The following FYB1 variants were observed in gnomAD, a reference collection of about 807,000 sequenced individuals.
The protein encoded by FYB1 is FYN-binding protein 1.
In FYB1, 41 loss-of-function variants were observed where a neutral mutation model predicts 94.1. The observed-to-expected ratio is 0.44, with a 90% CI of 0.34 to 0.57. The LOEUF (loss-of-function observed/expected upper bound fraction) is 0.57. Ranked by LOEUF, FYB1 falls within the 20% of genes least tolerant of loss-of-function variation. The pLI, the probability that FYB1 is intolerant of heterozygous loss-of-function variation, is 0.02. For missense variants in FYB1, 1,050 were observed against 976.8 expected (o/e 1.07, Z -1.00); for synonymous variants, 367 against 353.2 (o/e 1.04, Z -0.44).
chr5:39,200,248 G>A (rs543213844), intron 2 of FYB1, among the ~76,000 whole-genome samples: 5 of 152,174 alleles, frequency 3.3e-5, no homozygotes, highest in Non-Finnish European at 7.3e-5. Context: ...ATCAGACCTT[G>A]TCAGGCCTTC....
chr5:39,212,590 A>C (rs568405349), intron 1 of FYB1: 1 of 152,364 alleles, frequency 6.6e-6, no homozygotes, highest in South Asian at 2.1e-4. Context: ...AGGATTAAAC[A>C]ATATAAGCAC....
intron 6 of FYB1, chr5:39,137,954 G>A: frequency 4.0e-6 from 2 of 502,162 alleles, no homozygotes; most frequent in African/African-American, 2.0e-5. Context: ...ACTTGTGCCA[G>A]CAAGTGGAAG....
chr5:39,271,798 A>G lies in FYB1; in HGVS notation c.-28+2605T>C, dbSNP rs193152732. Among the ~76,000 whole-genome samples, 778 of 152,338 alleles carry G rather than the reference A, an allele frequency of 5.1e-3. 6 individuals carry two copies. The highest frequency in any genetic ancestry group is 4.8e-3 in the Non-Finnish European group (326 of 68,034). ...AAGAGGGATGTGAGGCATGGTCAGAATCTGGTGGATGGTCAGGAATCTGAA... is the reference window on the plus strand; with the variant it reads ...AAGAGGGATGTGAGGCATGGTCAGAGTCTGGTGGATGGTCAGGAATCTGAA... On this transcript the variant is annotated intron_variant, in intron 1 of 1. Transcript: ENST00000510188.
At chr5:39,256,446 G>A (rs1751945390) in intron 1 of FYB1, among the ~76,000 whole-genome samples, 1 of 152,140 alleles carries the variant, frequency 6.6e-6, no homozygotes, top group Non-Finnish European at 1.5e-5. Flanking sequence ...GGGTTTTCAT[G>A]CCGAATTAGC....
At chr5:39,194,584 G>A (rs1320071078) in intron 2 of FYB1, among the ~76,000 whole-genome samples, 1 of 151,790 alleles carries the variant, frequency 6.6e-6, no homozygotes, top group Admixed American at 6.6e-5. Context: ...GGAAGGAAGG[G>A]AGGATATCTT....
rs867899638 is a variant in FYB1, at chr5:39,183,446, G to A, written c.1135+18380C>T. Among the ~76,000 whole-genome samples, 3 of 152,198 alleles carry A rather than the reference G, an allele frequency of 2.0e-5. No homozygotes were observed. In the South Asian group the frequency reaches 6.2e-4, roughly 32 times the overall value. ...TTAGAGAAGCACTGGGTAGAGTGTC[G>A]AGCATAAAGGGAGAATGAATGTTGT... On this transcript the variant is annotated intron_variant, in intron 2 of 18. Coordinates refer to ENST00000512982, the MANE Select transcript of FYB1 (RefSeq NM_001465.6).
chr5:39,111,285 C>T (rs1036573512), intron 16 of FYB1, among the ~76,000 whole-genome samples: 3 of 151,902 alleles, frequency 2.0e-5, no homozygotes, highest in Admixed American at 1.3e-4. Flanking sequence ...CCATTTATTG[C>T]TTCCTCAATA....
chr5:39,202,040 C>T lies in FYB1; in HGVS notation c.921G>A (p.Gly307=). The T allele has an allele frequency of 6.2e-7, 1 of 1,614,030 alleles. No homozygotes were observed. Among genetic ancestry groups the T allele is most frequent in the Non-Finnish European group, 8.5e-7 (1 of 1,179,894 alleles). Residue 307 remains glycine (G), a synonymous_variant, in exon 2 of 19, where the codon GGG becomes GGA. Coordinates refer to ENST00000512982, the MANE Select transcript of FYB1 (RefSeq NM_001465.6). The stretch of plus-strand genomic sequence containing the variant: ...CCTTAGGGAACCTGGCAGGAGGAGT[C>T]CCTGAGGCCAACTCTTCCTGATTTA... ...SKINQEELAS[G]TPPARFPKAP... is the part of the protein sequence containing the mutation.
At chr5:39,185,811 G>A (rs368285274) in intron 2 of FYB1, among the ~76,000 whole-genome samples, 3 of 152,002 alleles carry the variant, frequency 2.0e-5, no homozygotes, top group Admixed American at 6.6e-5. Flanking sequence ...ACTCCGTGAG[G>A]GTTCCGCACT....
At position 39,249,386 on chromosome 5, in the gene FYB1, T is replaced by C. The variant is rs140757234; in HGVS notation, c.-28+25017A>G. Among the ~76,000 whole-genome samples the C allele has an allele frequency of 1.6e-3, 240 of 152,364 alleles. 1 individual carries two copies. Among genetic ancestry groups the C allele is most frequent in the African/African-American group, 5.3e-3 (219 of 41,590 alleles). ...CTCTTGTAGTATGAGGGCAGCCATA[T>C]ACAGTATGTTAATGTGTGAACATGG... is the stretch of plus-strand genomic sequence containing the variant. On this transcript the variant is annotated intron_variant, in intron 1 of 1. Coordinates refer to the FYB1 transcript ENST00000510188.
rs538508812 is a variant in FYB1, at chr5:39,148,381, G to GTTTTTTTTTTT, written c.1292+5056_1292+5066dup. ...GCATTTAGCTTTTAATTATCAGCAG[G>GTTTTTTTTTTT]TTTTTTTTTTTTTTTTTTTTTTTTT... On this transcript the variant is annotated intron_variant, in intron 3 of 18. Transcript: ENST00000512982. Among the ~76,000 whole-genome samples the GTTTTTTTTTTT allele has an allele frequency of 7.9e-5, 3 of 38,174 alleles. 1 individual carries two copies. The highest frequency in any genetic ancestry group is 1.5e-4 in the African/African-American group (2 of 13,496). The allele number at this position is 38,174 out of a possible 152,430, so 25.0% of individuals were successfully genotyped here.
chr5:39,214,888 C>T (rs1361019370), intron 1 of FYB1, among the ~76,000 whole-genome samples: 1 of 152,072 alleles, frequency 6.6e-6, no homozygotes, highest in African/African-American at 2.4e-5. Flanking sequence ...AAGATCGCAC[C>T]ACTGCACTCC....
intron 1 of FYB1, among the ~76,000 whole-genome samples, chr5:39,267,358 TATCATCATCATC>T (rs10658182): frequency 3.9e-4 from 56 of 145,318 alleles, no homozygotes; most frequent in African/African-American, 6.6e-4. Context: ...GTGGGATAGC[TATCATCATCATC>T]ATCATCATCA....
At position 39,184,402 on chromosome 5, in the gene FYB1, T is replaced by A. The variant is rs563937455; in HGVS notation, c.1135+17424A>T. Among the ~76,000 whole-genome samples the A allele has an allele frequency of 1.2e-3, 184 of 152,330 alleles. 1 individual carries two copies. In the South Asian group the frequency reaches 0.017, roughly 14 times the overall value. On this transcript the variant is annotated intron_variant, in intron 2 of 18. Transcript: ENST00000512982. ...ATCAATAATGTTGTTTGACTTTATA[T>A]GATTTCAAATTACTACAATGTGCAA...
chr5:39,182,363 T>G (rs936991162), intron 2 of FYB1, among the ~76,000 whole-genome samples: 5 of 150,544 alleles, frequency 3.3e-5, no homozygotes, highest in Non-Finnish European at 5.9e-5. Flanking sequence ...TCAAGTATCA[T>G]GTACCGGTGC....
At chr5:39,226,136 G>A (rs1156852086) in intron 1 of FYB1, among the ~76,000 whole-genome samples, 1 of 152,122 alleles carries the variant, frequency 6.6e-6, no homozygotes, top group East Asian at 1.9e-4. Context: ...CTGAGGATTG[G>A]CTTTAGACTC....
intron 1 of FYB1, 42 bp downstream of exon 1, chr5:39,219,401 T>C: frequency 1.0e-6 from 1 of 983,632 alleles, no homozygotes; most frequent in Non-Finnish European, 1.2e-6. Context: ...TATAAAAAAT[T>C]ACACATTTAT....
Position 39,202,435 on chromosome 5 carries a change from C to T in FYB1, c.526G>A (p.Val176Ile), listed in dbSNP as rs569435652. 13 of 1,613,904 alleles carry T rather than the reference C, an allele frequency of 8.1e-6. No homozygotes were observed. The South Asian group carries it at 1.1e-4, about 14-fold the overall frequency. ...QKQAFPKLTG[V>I]KGKFMSASQD... ...GATGCTGACATAAATTTCCCTTTAA[C>T]CCCAGTCAATTTGGGAAACGCTTGC... The change falls in exon 2 of 19, where the codon GTT (valine) becomes ATT (isoleucine). Residue 176 changes from valine (V) to isoleucine (I), a missense_variant. By Grantham distance (29) the Val-to-Ile change is conservative. Coordinates refer to ENST00000512982, the MANE Select transcript of FYB1 (RefSeq NM_001465.6).
intron 9 of FYB1, among the ~76,000 whole-genome samples, 151 bp from the exon 10 acceptor site, chr5:39,130,763 C>T (rs1055867301): frequency 6.6e-6 from 1 of 152,114 alleles, no homozygotes; most frequent in South Asian, 2.1e-4. Context: ...AAAAATGTTC[C>T]TTATCATCAT....
Sources: allele counts gnomAD v4.1 joint callset (sites outside exome capture counted in the v4.1 genomes callset), GRCh38; gene constraint gnomAD v4.1.1; transcripts MANE v1.5; gene names NCBI Gene and HGNC (gene_info 2026-07-23, HGNC 2026-07-21).